ARAP2: variants seen among roughly 807,000 people sequenced by gnomAD.
The protein encoded by ARAP2 is ArfGAP with RhoGAP domain, ankyrin repeat and PH domain 2.
In ARAP2, 148 loss-of-function variants were observed where a neutral mutation model predicts 194.5. The observed-to-expected ratio is 0.76, with a 90% CI of 0.67 to 0.87. ARAP2 has a LOEUF of 0.87. Ranked by LOEUF, ARAP2 falls within the 40% of genes least tolerant of loss-of-function variation. The pLI is 0.00. For missense variants in ARAP2, 2,128 were observed against 1,989.7 expected (o/e 1.07, Z -1.32); for synonymous variants, 695 against 683.5 (o/e 1.02, Z -0.26).
In ARAP2 at chr4:36,244,477, C is replaced by T. The variant is rs1298209935; in HGVS notation, c.-458G>A. 1 of 150,792 alleles carries T rather than the reference C, an allele frequency of 6.6e-6. No individual in the cohort carries two copies. The highest frequency in any genetic ancestry group is 1.5e-5 in the Non-Finnish European group (1 of 67,524). 9.3% of individuals were successfully genotyped at this position (150,792 alleles called of 1,614,324 possible). A position where few individuals can be genotyped will look rare whatever the true frequency, so the allele number is the denominator to read the frequency against. On this transcript the variant is annotated 5_prime_UTR_variant, in exon 1 of 33. Transcript: ENST00000303965. Reference sequence around the variant, plus strand: ...CCGAGCCCGGCGCCCGCGCCTTGCTCAGGTGCTCCCGCGCCTCGCCTCGGC... The same window carrying T: ...CCGAGCCCGGCGCCCGCGCCTTGCTTAGGTGCTCCCGCGCCTCGCCTCGGC...
At chr4:36,117,665 A>G (rs557732074) in intron 24 of ARAP2, among the ~76,000 whole-genome samples, 2 of 151,832 alleles carry the variant, frequency 1.3e-5, no homozygotes, top group African/African-American at 4.8e-5. Context: ...GAGCTATATT[A>G]AAACTACAAA....
At chr4:36,105,732 T>C (rs1480325262) in intron 27 of ARAP2, among the ~76,000 whole-genome samples, 1 of 151,948 alleles carries the variant, frequency 6.6e-6, no homozygotes, top group Non-Finnish European at 1.5e-5. Context: ...CGAAGATTAA[T>C]AGCATTTAAT....
At chr4:36,130,382 A>T (rs1725131111) in intron 20 of ARAP2, among the ~76,000 whole-genome samples, 1 of 151,788 alleles carries the variant, frequency 6.6e-6, no homozygotes, top group Non-Finnish European at 1.5e-5. Flanking sequence ...CCTCCTTCTC[A>T]CACTAAGCTC....
chr4:36,031,196 T>TC (rs1472534973), intron 5 of ARAP2, among the ~76,000 whole-genome samples: 1 of 152,210 alleles, frequency 6.6e-6, no homozygotes, highest in East Asian at 1.9e-4. Context: ...AGAAAAATTT[T>TC]CACCAGAAAT....
In ARAP2 at chr4:36,170,414, C is replaced by T. The variant is rs189390416; in HGVS notation, c.1858-3367G>A. Among the ~76,000 whole-genome samples the T allele has an allele frequency of 3.3e-5, 5 of 152,268 alleles. No homozygotes were observed. In the East Asian group the frequency reaches 9.7e-4, roughly 29 times the overall value. On this transcript the variant is annotated intron_variant, in intron 9 of 32. Transcript: ENST00000303965. ...ACCAGCCTGAGCAACATAGTGAGAC[C>T]CTGTCTCTACAAACGAAAACCAAAA... is the stretch of plus-strand genomic sequence containing the variant.
intron 26 of ARAP2, among the ~76,000 whole-genome samples, chr4:36,109,785 C>A (rs1365197680): frequency 6.6e-6 from 1 of 151,782 alleles, no homozygotes; most frequent in East Asian, 1.9e-4. Context: ...CATATGTATA[C>A]ATGTGCCATG....
intron 19 of ARAP2, among the ~76,000 whole-genome samples, chr4:36,146,867 A>C (rs910112221): frequency 6.6e-6 from 1 of 152,082 alleles, no homozygotes; most frequent in African/African-American, 2.4e-5. Flanking sequence ...TGCACAGTAG[A>C]TGCTTAATAG....
At chr4:36,043,443 G>A (rs1033289855) in intron 5 of ARAP2, among the ~76,000 whole-genome samples, 4 of 152,052 alleles carry the variant, frequency 2.6e-5, no homozygotes, top group East Asian at 3.9e-4. Context: ...TCAAGATATC[G>A]GGGCAACATT....
rs921112778 is a variant in ARAP2, at chr4:36,083,235, G to T, written c.4508+133C>A. The T allele has an allele frequency of 4.5e-6, 3 of 670,406 alleles. No individual in the cohort carries two copies. In the East Asian group the frequency reaches 8.5e-5, roughly 19 times the overall value. 41.5% of individuals were successfully genotyped at this position (670,406 alleles called of 1,614,324 possible). On this transcript the variant is annotated intron_variant, in intron 29 of 32. Transcript: ENST00000303965. The stretch of plus-strand genomic sequence containing the variant: ...CTGCCATAAGAACCCTGTGACAGGG[G>T]AAGCAACTTAAAAAAAATAGCCTAA...
chr4:36,129,111 A>T (rs1220117617), intron 20 of ARAP2, among the ~76,000 whole-genome samples: 2 of 151,904 alleles, frequency 1.3e-5, no homozygotes, highest in Non-Finnish European at 2.9e-5. Context: ...TCTGGTATAA[A>T]TGTCATCAAC....
chr4:36,022,950 T>C (rs1717262477), intron 5 of ARAP2, among the ~76,000 whole-genome samples: 1 of 152,178 alleles, frequency 6.6e-6, no homozygotes, highest in Non-Finnish European at 1.5e-5. Flanking sequence ...AGAAACTATA[T>C]GAAAATCTCT....
At chr4:36,186,787 T>A (rs996977041) in intron 8 of ARAP2, among the ~76,000 whole-genome samples, 3 of 152,378 alleles carry the variant, frequency 2.0e-5, no homozygotes, top group Non-Finnish European at 4.4e-5. Context: ...TATGAGAGTC[T>A]AATGCCTGAC....
Position 36,130,837 on chromosome 4 carries a change from G to A in ARAP2, c.3428-2092C>T, listed in dbSNP as rs7687649. Among the ~76,000 whole-genome samples the A allele has an allele frequency of 5.3e-3, 810 of 152,000 alleles. 11 individuals are homozygous for A. Among genetic ancestry groups the A allele is most frequent in the African/African-American group, 0.018 (763 of 41,516 alleles). ...ATAAGCAAGTTCTACAAACATCAATGCTGACTAAGCGTTTGAGATAGTATA... is the reference window on the plus strand; with the variant it reads ...ATAAGCAAGTTCTACAAACATCAATACTGACTAAGCGTTTGAGATAGTATA... On this transcript the variant is annotated intron_variant, in intron 20 of 32. Transcript: ENST00000303965.
At chr4:36,071,067 C>T (rs1282116189) in intron 32 of ARAP2, among the ~76,000 whole-genome samples, 1 of 152,060 alleles carries the variant, frequency 6.6e-6, no homozygotes, top group Non-Finnish European at 1.5e-5. Flanking sequence ...TTCACTGCAT[C>T]ATCATTCTTT....
At position 36,114,157 on chromosome 4, in the gene ARAP2, A is replaced by G. The variant is rs1345120562; in HGVS notation, c.4156+13T>C. ...TAAGTAATTTAAGAATCCCTAGCAT[A>G]AAAATCACTTACCTAGCTCTTCATT... On this transcript the variant is annotated intron_variant, in intron 26 of 32. Coordinates refer to ENST00000303965, the MANE Select transcript of ARAP2 (RefSeq NM_015230.4). 1 of 1,522,932 alleles carries G rather than the reference A, an allele frequency of 6.6e-7. No individual in the cohort carries two copies. 94.3% of individuals were successfully genotyped at this position (1,522,932 alleles called of 1,614,324 possible). A position where few individuals can be genotyped will look rare whatever the true frequency, so the allele number is the denominator to read the frequency against.
chr4:36,165,234 A>T, intron 10 of ARAP2, 121 bp from the exon 11 acceptor site: 1 of 902,682 alleles, frequency 1.1e-6, no homozygotes, highest in Non-Finnish European at 1.7e-6. Context: ...TATGGCTGCT[A>T]GGCAGTTCTG....
downstream of ARAP2, among the ~76,000 whole-genome samples, chr4:36,064,749 G>A (rs1302883113): frequency 1.3e-5 from 2 of 152,356 alleles, no homozygotes; most frequent in Non-Finnish European, 2.9e-5. Flanking sequence ...GACCCAGGTA[G>A]ATGCAGTCAC....
At chr4:36,080,173 AAAGTTATTAT>A in intron 31 of ARAP2, 33 bp downstream of exon 31, 1 of 1,527,844 alleles carries the variant, frequency 6.5e-7, no homozygotes, top group Non-Finnish European at 9.0e-7. Flanking sequence ...TCCTGTAAAC[AAAGTTATTAT>A]ACTCTACTGG....
intron 4 of ARAP2, chr4:36,046,641 G>C (rs1027913528): frequency 6.6e-6 from 1 of 152,254 alleles, no homozygotes; most frequent in Non-Finnish European, 1.5e-5. Flanking sequence ...CCCAAAAGTT[G>C]TATGTAAGAG....
Sources: allele counts gnomAD v4.1 joint callset (sites outside exome capture counted in the v4.1 genomes callset), GRCh38; gene constraint gnomAD v4.1.1; transcripts MANE v1.5; gene names NCBI Gene and HGNC (gene_info 2026-07-23, HGNC 2026-07-21).